LRIG2: variants seen among roughly 807,000 people sequenced by gnomAD.
LRIG2 encodes the protein leucine-rich repeats and immunoglobulin-like domains protein 2.
In LRIG2, 93 loss-of-function variants were observed where a neutral mutation model predicts 107.8. The observed-to-expected ratio is 0.86, with a 90% CI of 0.73 to 1.03. The LOEUF is 1.03. LRIG2 is among the 50% of genes least tolerant of loss of function. The pLI is 0.00. For missense variants in LRIG2, 1,226 were observed against 1,296.0 expected, an observed-to-expected ratio of 0.95 and a Z score of 0.83; for synonymous variants, 471 against 470.6, an observed-to-expected ratio of 1.00 and a Z score of -0.01.
Position 113,131,701 on chromosome 1 carries a change from A to C in LRIG2, c.*7600A>C, listed in dbSNP as rs1199694274. 1.3e-5 allele frequency: 2 copies of C among 152,136 alleles called. No homozygotes were observed. The highest frequency in any genetic ancestry group is 2.9e-5 in the Non-Finnish European group (2 of 68,030). 9.4% of individuals were successfully genotyped at this position (152,136 alleles called of 1,614,324 possible). ...GGACAATTGTCTGGTTCATTGACAA[A>C]AGTAACAAGTTTGGAACTAAGAGAT... On this transcript the variant is annotated 3_prime_UTR_variant, in exon 18 of 18. Coordinates refer to ENST00000361127, the MANE Select transcript of LRIG2 (RefSeq NM_014813.3).
At chr1:113,109,943 G>A (rs376457872) in intron 12 of LRIG2, among the ~76,000 whole-genome samples, 83 of 152,216 alleles carry the variant, frequency 5.5e-4, no homozygotes, top group African/African-American at 1.7e-3. Context: ...AATATATTCT[G>A]AGCACACAGG....
At chr1:113,074,035 T>C (rs1369416619) in intron 1 of LRIG2, among the ~76,000 whole-genome samples, 1 of 151,428 alleles carries the variant, frequency 6.6e-6, no homozygotes, top group Admixed American at 6.6e-5. Flanking sequence ...TTGAGCTGCA[T>C]GATTTGGTGT....
Position 113,123,879 on chromosome 1 carries a change from A to G in LRIG2, c.2976A>G (p.Thr992=). 1 of 1,613,838 alleles carries G rather than the reference A, an allele frequency of 6.2e-7. No homozygotes were observed. Among genetic ancestry groups the G allele is most frequent in the Non-Finnish European group, 8.5e-7 (1 of 1,179,818 alleles). Residue 992 remains threonine (T), a synonymous_variant, in exon 18 of 18, where the codon ACA becomes ACG. Transcript: ENST00000361127. ...ATTCTTGTCTTTCATTCTCAGAAACATTGCAGCGGCCCGTGTGGAACATAA... is the reference window on the plus strand; with the variant it reads ...ATTCTTGTCTTTCATTCTCAGAAACGTTGCAGCGGCCCGTGTGGAACATAA... ...KLPSTQMSGE[T]LQRPVWNINR...
In LRIG2 at chr1:113,083,125, G is replaced by A. The variant is rs1340129506; in HGVS notation, c.240-8193G>A. On this transcript the variant is annotated intron_variant, in intron 1 of 17. Coordinates refer to ENST00000361127, the MANE Select transcript of LRIG2 (RefSeq NM_014813.3). ...AGGGTCTCGCCATGTTGCCCAGGCT[G>A]GTCTTGAACTCTGAATCTCAAGCAG... Among the ~76,000 whole-genome samples, 7 of 151,902 alleles carry A rather than the reference G, an allele frequency of 4.6e-5. No homozygotes were observed. The Middle Eastern group carries it at 0.014, about 297-fold the overall frequency.
intron 12 of LRIG2, among the ~76,000 whole-genome samples, chr1:113,108,697 C>T (rs1381978586): frequency 4.0e-5 from 6 of 151,350 alleles, no homozygotes; most frequent in South Asian, 4.2e-4. Flanking sequence ...GCCAGCATGG[C>T]GAAACCCTGA....
intron 15 of LRIG2, among the ~76,000 whole-genome samples, chr1:113,115,165 TATAAC>T (rs538765209): frequency 2.0e-5 from 3 of 152,236 alleles, no homozygotes; most frequent in Non-Finnish European, 2.9e-5. Context: ...ACTTCTTTGA[TATAAC>T]AGAACCTCTT....
intron 1 of LRIG2, among the ~76,000 whole-genome samples, chr1:113,090,685 A>G (rs1653765878): frequency 6.6e-6 from 1 of 151,462 alleles, no homozygotes; most frequent in African/African-American, 2.4e-5. Context: ...AAAATACAAA[A>G]AAATTAGCCG....
intron 16 of LRIG2, among the ~76,000 whole-genome samples, chr1:113,118,134 G>A (rs555268577): frequency 6.6e-6 from 1 of 151,718 alleles, no homozygotes; most frequent in African/African-American, 2.4e-5. Flanking sequence ...GGCCAGGCTG[G>A]TCTCAAACTT....
intron 1 of LRIG2, among the ~76,000 whole-genome samples, chr1:113,077,014 G>C (rs932182736): frequency 1.3e-5 from 2 of 152,154 alleles, no homozygotes; most frequent in Admixed American, 6.6e-5. Flanking sequence ...GTCATTTCAT[G>C]ATAGTACCAA....
At chr1:113,104,678 C>T (rs573105733) in intron 11 of LRIG2, among the ~76,000 whole-genome samples, 1 of 152,148 alleles carries the variant, frequency 6.6e-6, no homozygotes, top group East Asian at 1.9e-4. Flanking sequence ...CCACACCCAG[C>T]TAATTTTTGT....
At chr1:113,098,312 C>T (rs541057574) in intron 8 of LRIG2, among the ~76,000 whole-genome samples, 3 of 152,276 alleles carry the variant, frequency 2.0e-5, no homozygotes, top group African/African-American at 4.8e-5. Flanking sequence ...CCAGAAATCC[C>T]ATTAATCTGA....
Position 113,124,271 on chromosome 1 carries a change from GA to G in LRIG2, c.*173del, listed in dbSNP as rs1655396274. The G allele has an allele frequency of 1.6e-6, 1 of 620,386 alleles. No individual in the cohort carries two copies. Among genetic ancestry groups the G allele is most frequent in the South Asian group, 2.0e-5 (1 of 50,588 alleles). 38.4% of individuals were successfully genotyped at this position (620,386 alleles called of 1,614,324 possible). On this transcript the variant is annotated 3_prime_UTR_variant, in exon 18 of 18. Transcript: ENST00000361127. ...GTTGTTTGGTCTTATACCTGATGAA[GA>G]AATGGCAACAGCTGACAGAAATGGG... is the stretch of plus-strand genomic sequence containing the variant.
intron 1 of LRIG2, among the ~76,000 whole-genome samples, chr1:113,077,693 T>C (rs1196090693): frequency 6.6e-6 from 1 of 152,198 alleles, no homozygotes; most frequent in African/African-American, 2.4e-5. Flanking sequence ...AGCTTCAACC[T>C]CTGTAGCTAT....
intron 1 of LRIG2, among the ~76,000 whole-genome samples, chr1:113,079,138 A>ATCCT (rs1338395245): frequency 3.2e-4 from 48 of 151,822 alleles, no homozygotes; most frequent in Admixed American, 3.2e-3. Context: ...GGAGCCTAGG[A>ATCCT]GTTCAAGATT....
rs1284111765 is a variant in LRIG2, at chr1:113,114,715, A to G, written c.2369A>G (p.Asp790Gly). The G allele has an allele frequency of 1.9e-6, 3 of 1,613,754 alleles. No individual in the cohort carries two copies. In the Admixed American group the frequency reaches 5.0e-5, roughly 27 times the overall value. Residue 790 changes from aspartate (D) to glycine (G), a missense_variant, in exon 15 of 18, where the codon GAC (aspartate) becomes GGC (glycine). Asp to Gly is a moderately conservative substitution (Grantham distance 94, BLOSUM62 -1). Around this residue, in one of 3 missense-constraint regions of LRIG2, gnomAD observed 642 missense variants for 712.2 expected, o/e 0.90. Transcript: ENST00000361127. ...AATGTCATTTCATCCCCCAATTGTG[A>G]CTCTTCCCAGAGTAGCATTGGGCAT... ...YLNVISSPNC[D>G]SSQSSIGHED...
chr1:113,110,233 T>G lies in LRIG2; in HGVS notation c.1478-9T>G. ...TGACTTGGCTACGGATGCATTTTTTTCCCCTTAGATGATTTTCTCAAGCCA... is the reference window on the plus strand; with the variant it reads ...TGACTTGGCTACGGATGCATTTTTTGCCCCTTAGATGATTTTCTCAAGCCA... On this transcript the variant is annotated splice_polypyrimidine_tract_variant and intron_variant, in intron 12 of 17. Coordinates refer to ENST00000361127, the MANE Select transcript of LRIG2 (RefSeq NM_014813.3). 1 of 1,555,454 alleles carries G rather than the reference T, an allele frequency of 6.4e-7. No homozygotes were observed. The highest frequency in any genetic ancestry group is 1.7e-4 in the Middle Eastern group (1 of 5,804).
chr1:113,112,815 CTTGGT>C lies in LRIG2; in HGVS notation c.2080+56_2080+60del, dbSNP rs1346569999. Reference sequence around the variant, plus strand: ...TTTGTTGGAGTCTTTGGGAGCTACTCTTGGTCTTAATGAGCAAGAAAAATAAGTTT... The same window carrying C: ...TTTGTTGGAGTCTTTGGGAGCTACTCCTTAATGAGCAAGAAAAATAAGTTT... On this transcript the variant is annotated intron_variant, in intron 14 of 17. Transcript: ENST00000361127. 36 of 1,504,740 alleles carry C rather than the reference CTTGGT, an allele frequency of 2.4e-5. No homozygotes were observed. The African/African-American group carries it at 4.5e-4, about 19-fold the overall frequency. The allele number at this position is 1,504,740 out of a possible 1,614,324, so 93.2% of individuals were successfully genotyped here. A position where few individuals can be genotyped will look rare whatever the true frequency, so the allele number is the denominator to read the frequency against.
rs1655559038 is a variant in LRIG2, at chr1:113,128,121, T to C, written c.*4020T>C. ...CCAAACTCACATAATTTCTCAACTTTTTGCCAGAAAGTTGAGCATTTATTC... is the reference window on the plus strand; with the variant it reads ...CCAAACTCACATAATTTCTCAACTTCTTGCCAGAAAGTTGAGCATTTATTC... On this transcript the variant is annotated 3_prime_UTR_variant, in exon 18 of 18. Coordinates refer to ENST00000361127, the MANE Select transcript of LRIG2 (RefSeq NM_014813.3). 6.6e-6 allele frequency: 1 copy of C among 152,180 alleles called. No individual in the cohort carries two copies. Among genetic ancestry groups the C allele is most frequent in the African/African-American group, 2.4e-5 (1 of 41,456 alleles). The allele number at this position is 152,180 out of a possible 1,614,324, so 9.4% of individuals were successfully genotyped here. A position where few individuals can be genotyped will look rare whatever the true frequency, so the allele number is the denominator to read the frequency against.
At position 113,091,311 on chromosome 1, in the gene LRIG2, C is replaced by T. The variant is rs752166770; in HGVS notation, c.240-7C>T. 9.5e-6 allele frequency: 15 copies of T among 1,586,430 alleles called. No individual in the cohort carries two copies. The highest frequency in any genetic ancestry group is 1.1e-5 in the South Asian group (1 of 88,704). ...TAAACTAAGAATGATATTTTGTCCTCTTTCAGGGATTTCAGTCATAATCGG... is the reference window on the plus strand; with the variant it reads ...TAAACTAAGAATGATATTTTGTCCTTTTTCAGGGATTTCAGTCATAATCGG... On this transcript the variant is annotated splice_polypyrimidine_tract_variant and splice_region_variant and intron_variant, in intron 1 of 17. Coordinates refer to ENST00000361127, the MANE Select transcript of LRIG2 (RefSeq NM_014813.3).
Sources: gnomAD v4.1 joint callset for allele counts (sites outside exome capture counted in the v4.1 genomes callset) on GRCh38, gnomAD v4.1.1 for gene constraint, gnomAD v4.1.1 regional missense constraint, MANE v1.5 for transcripts, NCBI Gene and HGNC (gene_info 2026-07-23, HGNC 2026-07-21) for gene names.